Variants in GNA14 observed in about 807,000 individuals in gnomAD.
GNA14 encodes guanine nucleotide-binding protein subunit alpha-14.
Under a neutral mutation model 42.0 loss-of-function variants are expected in GNA14, and 50 were observed. The observed-to-expected ratio is 1.19, with a 90% CI of 0.95 to 1.51. The LOEUF is 1.51. Ranked by LOEUF, GNA14 falls within the 40% of genes most tolerant of loss-of-function variation. GNA14 has a pLI of 0.00. For missense variants in GNA14, 473 were observed against 446.2 expected, an observed-to-expected ratio of 1.06 and a Z score of -0.54; for synonymous variants, 173 against 163.1, an observed-to-expected ratio of 1.06 and a Z score of -0.46.
intron 1 of GNA14, among the ~76,000 whole-genome samples, chr9:77,577,553 C>T (rs929411743): frequency 6.6e-6 from 1 of 152,184 alleles, no homozygotes; most frequent in African/African-American, 2.4e-5. Context: ...GCACTGTCAT[C>T]AGTGAGACAT....
chr9:77,524,835 C>T (rs912978246), intron 2 of GNA14, among the ~76,000 whole-genome samples: 2 of 151,706 alleles, frequency 1.3e-5, no homozygotes, highest in Non-Finnish European at 2.9e-5. Flanking sequence ...TGAACCTGCC[C>T]CAATAATAAC....
intron 2 of GNA14, among the ~76,000 whole-genome samples, chr9:77,461,816 C>G (rs76676971): frequency 0.017 from 2,537 of 152,266 alleles, 31 homozygotes; most frequent in Middle Eastern, 0.051. Flanking sequence ...TTCTGATATT[C>G]TCCTGAGCAA....
intron 3 of GNA14, among the ~76,000 whole-genome samples, chr9:77,432,003 C>G (rs1378536626): frequency 6.6e-6 from 1 of 152,036 alleles, no homozygotes; most frequent in Admixed American, 6.5e-5. Flanking sequence ...GAAACTACAT[C>G]TCCTAAAATA....
At chr9:77,569,444 A>G (rs907993413) in intron 1 of GNA14, among the ~76,000 whole-genome samples, 4 of 152,180 alleles carry the variant, frequency 2.6e-5, no homozygotes, top group African/African-American at 9.6e-5. Context: ...CCTGCCCAAC[A>G]AGTTTCCCGA....
At chr9:77,582,149 C>T (rs1823235365) in intron 1 of GNA14, among the ~76,000 whole-genome samples, 1 of 152,216 alleles carries the variant, frequency 6.6e-6, no homozygotes, top group Admixed American at 6.5e-5. Flanking sequence ...ACTTTACTTT[C>T]ACCTCCCAGT....
chr9:77,490,096 A>C (rs1385409729), intron 2 of GNA14, among the ~76,000 whole-genome samples: 4 of 151,954 alleles, frequency 2.6e-5, no homozygotes, highest in Non-Finnish European at 5.9e-5. Flanking sequence ...GTGCACTCAC[A>C]AACCTTGAGC....
chr9:77,492,195 T>C (rs114787947), intron 2 of GNA14, among the ~76,000 whole-genome samples: 2,190 of 152,066 alleles, frequency 0.014, 53 homozygotes, highest in African/African-American at 0.049. Context: ...TAAATGACTA[T>C]ATTAAAAAAC....
intron 1 of GNA14, among the ~76,000 whole-genome samples, chr9:77,633,601 TGATA>T (rs143733318): frequency 0.02 from 3,092 of 152,174 alleles, 58 homozygotes; most frequent in African/African-American, 0.048. Flanking sequence ...GGCTAGGGAA[TGATA>T]GATAAATTTA....
At position 77,587,124 on chromosome 9, in the gene GNA14, AAAAAAG is replaced by A. The variant is rs199745888; in HGVS notation, c.125-57877_125-57872del. ...ATCATTTGGATAGCTATACTTAAAAAAAAAAGAAAAGAAAAGAACAAGTGTTGATGA... is the reference window on the plus strand; with the variant it reads ...ATCATTTGGATAGCTATACTTAAAAAAAAAGAAAAGAACAAGTGTTGATGA... On this transcript the variant is annotated intron_variant, in intron 1 of 6. Transcript: ENST00000341700. Among the ~76,000 whole-genome samples the A allele has an allele frequency of 1.0e-3, 155 of 152,268 alleles. 2 individuals carry two copies. In the East Asian group the frequency reaches 0.025, roughly 25 times the overall value.
intron 1 of GNA14, among the ~76,000 whole-genome samples, chr9:77,595,970 G>A (rs1823460819): frequency 6.6e-6 from 1 of 152,034 alleles, no homozygotes; most frequent in African/African-American, 2.4e-5. Context: ...GGAGAATAGA[G>A]ATGGCACACT....
intron 1 of GNA14, among the ~76,000 whole-genome samples, chr9:77,598,089 TCTTTC>T (rs1289682419): frequency 1.7e-4 from 26 of 152,116 alleles, no homozygotes; most frequent in Admixed American, 9.2e-4. Flanking sequence ...ATATGGAACC[TCTTTC>T]CTTTCATCTA....
intron 1 of GNA14, among the ~76,000 whole-genome samples, chr9:77,618,596 A>ATATATATATGTATG (rs1554703805): frequency 6.9e-5 from 1 of 14,396 alleles, no homozygotes; most frequent in African/African-American, 2.1e-4. Context: ...ATATATATAT[A>ATATATATATGTATG]TATATATATA....
chr9:77,510,219 A>G (rs75188670), intron 2 of GNA14, among the ~76,000 whole-genome samples: 1,608 of 152,258 alleles, frequency 0.011, 41 homozygotes, highest in African/African-American at 0.036. Flanking sequence ...GGACTATACA[A>G]TATCTGGTCT....
intron 1 of GNA14, among the ~76,000 whole-genome samples, chr9:77,592,027 G>C (rs1384041921): frequency 6.6e-6 from 1 of 151,210 alleles, no homozygotes; most frequent in East Asian, 1.9e-4. Context: ...CCATTCTCCT[G>C]CCTCAGCCTC....
chr9:77,498,373 C>CAAAAAAAAAAAAA (rs766816001), intron 2 of GNA14, among the ~76,000 whole-genome samples: 5 of 54,114 alleles, frequency 9.2e-5, no homozygotes, highest in Non-Finnish European at 1.4e-4. Context: ...AAGTCTGTCT[C>CAAAAAAAAAAAAA]AAAAAAAAAA....
At chr9:77,584,354 A>G (rs1002715986) in intron 1 of GNA14, among the ~76,000 whole-genome samples, 1 of 152,228 alleles carries the variant, frequency 6.6e-6, no homozygotes, top group Admixed American at 6.5e-5. Flanking sequence ...CAATTTGAAG[A>G]GTACATATGC....
chr9:77,495,040 T>TCCAC (rs1320446621), intron 2 of GNA14, among the ~76,000 whole-genome samples: 4 of 152,188 alleles, frequency 2.6e-5, no homozygotes, highest in Non-Finnish European at 5.9e-5. Context: ...CCTCAGGTGA[T>TCCAC]CCACCCACCT....
chr9:77,532,120 A>G (rs146779706), intron 1 of GNA14, among the ~76,000 whole-genome samples: 4 of 149,920 alleles, frequency 2.7e-5, no homozygotes, highest in Non-Finnish European at 4.5e-5. Flanking sequence ...CAGCTAGTGT[A>G]TTTTTTTTTT....
chr9:77,630,720 G>T (rs1824084632), intron 1 of GNA14, among the ~76,000 whole-genome samples: 1 of 151,868 alleles, frequency 6.6e-6, no homozygotes, highest in Admixed American at 6.6e-5. Flanking sequence ...GTTTTTTTTA[G>T]CTTATATTCC....
Sources: gnomAD v4.1 joint callset for allele counts (sites outside exome capture counted in the v4.1 genomes callset) on GRCh38, gnomAD v4.1.1 for gene constraint, MANE v1.5 for transcripts, NCBI Gene and HGNC (gene_info 2026-07-23, HGNC 2026-07-21) for gene names.